Variants in AGBL4 observed in about 807,000 individuals in gnomAD.
AGBL4 encodes the protein AGBL carboxypeptidase 4.
A neutral mutation model predicts 66.4 loss-of-function variants in AGBL4; 58 were observed. That is an observed-to-expected ratio of 0.87 (90% CI 0.71 to 1.09). The LOEUF is 1.09. Among genes scored for constraint, AGBL4 ranks in the 50% least tolerant of loss-of-function variants. The pLI is 0.00. For missense variants in AGBL4, 579 were observed against 631.0 expected (o/e 0.92, Z 0.88); for synonymous variants, 234 against 222.9 (o/e 1.05, Z -0.44).
chr1:49,679,132 G>A (rs2226171), intron 3 of AGBL4, among the ~76,000 whole-genome samples: 92,165 of 151,942 alleles, frequency 0.61, 28,633 homozygotes, highest in Non-Finnish European at 0.67. Flanking sequence ...GTTGAGAGAG[G>A]GGTGTTGAAG....
At chr1:49,941,524 A>G (rs1014911920) in intron 1 of AGBL4, among the ~76,000 whole-genome samples, 17 of 152,166 alleles carry the variant, frequency 1.1e-4, no homozygotes, top group African/African-American at 4.1e-4. Flanking sequence ...TAAAAGTATC[A>G]TACACTATTA....
intron 1 of AGBL4, among the ~76,000 whole-genome samples, chr1:49,983,060 G>T (rs1659202547): frequency 1.3e-5 from 2 of 152,274 alleles, no homozygotes; most frequent in Non-Finnish European, 2.9e-5. Context: ...CCCTCCACTT[G>T]TCTGCATACC....
chr1:49,539,493 G>A (rs1651845361), intron 3 of AGBL4, among the ~76,000 whole-genome samples: 1 of 152,090 alleles, frequency 6.6e-6, no homozygotes, highest in African/African-American at 2.4e-5. Context: ...ATTTGTTAAT[G>A]TCCTTCTGTT....
intron 3 of AGBL4, among the ~76,000 whole-genome samples, chr1:49,508,290 T>G (rs958771806): frequency 6.6e-6 from 1 of 151,760 alleles, no homozygotes; most frequent in African/African-American, 2.4e-5. Context: ...TTTTGAAAAG[T>G]TAAAAGTTCC....
chr1:49,104,826 C>T (rs1645264230), intron 4 of AGBL4, among the ~76,000 whole-genome samples: 2 of 152,120 alleles, frequency 1.3e-5, no homozygotes, highest in Non-Finnish European at 2.9e-5. Flanking sequence ...ATATTCACCT[C>T]TAAATATGGC....
At chr1:48,538,740 G>GT (rs1487316301) in intron 12 of AGBL4, among the ~76,000 whole-genome samples, 3 of 152,202 alleles carry the variant, frequency 2.0e-5, no homozygotes, top group African/African-American at 7.2e-5. Context: ...GATTTATATT[G>GT]TTTTTATCAA....
intron 1 of AGBL4, among the ~76,000 whole-genome samples, chr1:49,867,636 G>A (rs769433412): frequency 2.0e-5 from 3 of 151,870 alleles, no homozygotes; most frequent in East Asian, 1.9e-4. Context: ...CTTCATAAAC[G>A]AAGGAGAAAT....
At chr1:49,346,284 AC>A (rs1473865879) in intron 3 of AGBL4, among the ~76,000 whole-genome samples, 1 of 152,092 alleles carries the variant, frequency 6.6e-6, no homozygotes, top group Non-Finnish European at 1.5e-5. Flanking sequence ...GTCAATTTAG[AC>A]TGCTTATTCC....
At chr1:49,387,609 A>C (rs1309554315) in intron 3 of AGBL4, among the ~76,000 whole-genome samples, 1 of 152,064 alleles carries the variant, frequency 6.6e-6, no homozygotes, top group Admixed American at 6.6e-5. Flanking sequence ...TGTTAATGTC[A>C]AAACATTCAA....
chr1:49,797,700 C>T (rs1196800177), intron 2 of AGBL4, among the ~76,000 whole-genome samples: 1 of 152,198 alleles, frequency 6.6e-6, no homozygotes, highest in Admixed American at 6.5e-5. Context: ...CCAACTAAGC[C>T]TCCCAAAGCA....
intron 3 of AGBL4, among the ~76,000 whole-genome samples, chr1:49,402,569 CTTTT>C (rs111878788): frequency 7.3e-6 from 1 of 137,792 alleles, no homozygotes. Flanking sequence ...TTTTGAATGC[CTTTT>C]TTTTTTTTTT....
chr1:49,814,007 C>T (rs1455179375), intron 2 of AGBL4, among the ~76,000 whole-genome samples: 1 of 152,146 alleles, frequency 6.6e-6, no homozygotes, highest in African/African-American at 2.4e-5. Context: ...CCTGCACATG[C>T]TTTCTTGCCT....
At chr1:49,716,667 T>C (rs1231368769) in intron 2 of AGBL4, among the ~76,000 whole-genome samples, 2 of 152,080 alleles carry the variant, frequency 1.3e-5, no homozygotes, top group African/African-American at 2.4e-5. Context: ...ACAGAACCAA[T>C]GACAAAAACC....
At chr1:48,941,738 AT>A (rs1655992198) in intron 5 of AGBL4, among the ~76,000 whole-genome samples, 1 of 152,134 alleles carries the variant, frequency 6.6e-6, no homozygotes, top group Admixed American at 6.5e-5. Flanking sequence ...ATGTTATCTC[AT>A]TTCATCCTCA....
chr1:49,861,133 G>A (rs781697110), intron 1 of AGBL4, among the ~76,000 whole-genome samples: 5 of 152,096 alleles, frequency 3.3e-5, no homozygotes, highest in East Asian at 1.9e-4. Flanking sequence ...CATTGTGAGT[G>A]CCCACACACC....
chr1:49,613,674 C>A (rs1373854845), intron 3 of AGBL4, among the ~76,000 whole-genome samples: 2 of 152,114 alleles, frequency 1.3e-5, no homozygotes, highest in East Asian at 3.9e-4. Flanking sequence ...TCCCATCACC[C>A]CCAGATGGGA....
At chr1:48,949,317 G>C (rs892004497) in intron 5 of AGBL4, among the ~76,000 whole-genome samples, 1 of 152,216 alleles carries the variant, frequency 6.6e-6, no homozygotes, top group African/African-American at 2.4e-5. Flanking sequence ...GGAAAGTAAA[G>C]TAGGTAGACC....
At chr1:49,473,263 G>A (rs965928451) in intron 3 of AGBL4, among the ~76,000 whole-genome samples, 1 of 151,966 alleles carries the variant, frequency 6.6e-6, no homozygotes, top group Non-Finnish European at 1.5e-5. Context: ...TCATGCCAAC[G>A]GTGTATAAGT....
At chr1:49,395,833 A>ATATATATGTATACATATATATATATGTG (rs1644959036) in intron 3 of AGBL4, among the ~76,000 whole-genome samples, 2 of 72,962 alleles carry the variant, frequency 2.7e-5, no homozygotes, top group Non-Finnish European at 5.5e-5. Flanking sequence ...ATATATGTGT[A>ATATATATGTATACATATATATATATGTG]TATATATATA....
Sources: allele counts gnomAD v4.1 joint callset (sites outside exome capture counted in the v4.1 genomes callset), GRCh38; gene constraint gnomAD v4.1.1; transcripts MANE v1.5; gene names NCBI Gene and HGNC (gene_info 2026-07-23, HGNC 2026-07-21).